KRT32: variants seen among roughly 807,000 people sequenced by gnomAD.
The protein encoded by KRT32 is keratin 32.
Under a neutral mutation model 41.8 loss-of-function variants are expected in KRT32, and 44 were observed. That is an observed-to-expected ratio of 1.05 (90% confidence interval 0.83 to 1.35). The LOEUF (loss-of-function observed/expected upper bound fraction) is 1.35. Ranked by LOEUF, KRT32 falls within the 40% of genes most tolerant of loss-of-function variation. The pLI, the probability that KRT32 is intolerant of heterozygous loss-of-function variation, is 0.00. For synonymous variants in KRT32, 238 were observed against 242.5 expected (o/e 0.98, Z 0.17); for missense variants, 576 against 584.6 (o/e 0.99, Z 0.15).
chr17:41,460,361 C>T (rs2018990162), intron 6 of KRT32, 122 bp from the exon 7 acceptor site: 2 of 1,260,412 alleles, frequency 1.6e-6, no homozygotes, highest in Admixed American at 4.1e-5. Context: ...TGCCCAGCCT[C>T]CCTGGTCCCA....
chr17:41,465,310 T>A lies in KRT32; in HGVS notation c.708+463A>T, dbSNP rs76411134. On this transcript the variant is annotated intron_variant, in intron 3 of 6. Coordinates refer to ENST00000225899, the MANE Select transcript of KRT32 (RefSeq NM_002278.3). ...CTCTCAGAAGAGATGGGACTGCTTC[T>A]GAGAGTTGAGCCAGGCAGAGATGGA... Among the ~76,000 whole-genome samples the A allele has an allele frequency of 5.8e-3, 887 of 152,276 alleles. 13 individuals carry two copies. Among genetic ancestry groups the A allele is most frequent in the African/African-American group, 0.02 (841 of 41,560 alleles).
chr17:41,460,738 T>A (rs903191394), intron 6 of KRT32, among the ~76,000 whole-genome samples: 2 of 151,994 alleles, frequency 1.3e-5, no homozygotes, highest in African/African-American at 4.8e-5. Flanking sequence ...TTAAAACAAA[T>A]ATCTAATGCA....
At position 41,464,285 on chromosome 17, in the gene KRT32, C is replaced by T. The variant is rs776314677; in HGVS notation, c.867G>A (p.Met289Ile). Residue 289 changes from methionine (M) to isoleucine (I), a missense_variant, in exon 4 of 7, where the codon ATG becomes ATA. By Grantham distance (10) the Met-to-Ile change is conservative. Coordinates refer to ENST00000225899, the MANE Select transcript of KRT32 (RefSeq NM_002278.3). ...ATCCCCACCGTGAGAGGCCCACCTG[C>T]ATATTGAACCATTCCTCCACGTCCC... ...NRRDVEEWFN[M>I]QMEELNQQVA... 192 of 1,595,904 alleles carry T rather than the reference C, an allele frequency of 1.2e-4. No homozygotes were observed. The highest frequency in any genetic ancestry group is 1.6e-4 in the Non-Finnish European group (189 of 1,171,018).
intron 3 of KRT32, 93 bp from the exon 4 acceptor site, chr17:41,464,536 C>G (rs534514452): frequency 7.9e-6 from 10 of 1,270,024 alleles, no homozygotes; most frequent in Admixed American, 2.8e-5. Flanking sequence ...ACAAAAGTTG[C>G]TAAAGATTGA....
At chr17:41,463,351 T>C (rs1333166152) in intron 5 of KRT32, among the ~76,000 whole-genome samples, 1 of 152,234 alleles carries the variant, frequency 6.6e-6, no homozygotes, top group Non-Finnish European at 1.5e-5. Context: ...GCCGGCATCA[T>C]TTAGAACAGG....
rs2019041507 is a variant in KRT32, at chr17:41,464,258, C to G, written c.870+24G>C. 4 of 1,583,588 alleles carry G rather than the reference C, an allele frequency of 2.5e-6. No individual in the cohort carries two copies. In the South Asian group the frequency reaches 3.5e-5, roughly 14 times the overall value. On this transcript the variant is annotated intron_variant, in intron 4 of 6. Coordinates refer to ENST00000225899, the MANE Select transcript of KRT32 (RefSeq NM_002278.3). ...TCCCTTCCTAGGGATATGGAGGAGG[C>G]CATCCCCACCGTGAGAGGCCCACCT... is the stretch of plus-strand genomic sequence containing the variant.
At position 41,463,030 on chromosome 17, in the gene KRT32, C is replaced by T. The variant is rs1190610241; in HGVS notation, c.1017G>A (p.Thr339=). 2 of 1,613,462 alleles carry T rather than the reference C, an allele frequency of 1.2e-6. No homozygotes were observed. Among genetic ancestry groups the T allele is most frequent in the South Asian group, 2.2e-5 (2 of 91,032 alleles). The part of the protein sequence containing the change: ...QHSLRDSLEN[T]LTESEARYSS... ...TGTAGCGGGCCTCACTCTCCGTCAG[C>T]GTGTTTTCCAGGGAGTCCCTCTAAG... Residue 339 remains threonine, a synonymous_variant, in exon 6 of 7, where the codon ACG becomes ACA. Coordinates refer to ENST00000225899, the MANE Select transcript of KRT32 (RefSeq NM_002278.3).
intron 3 of KRT32, among the ~76,000 whole-genome samples, chr17:41,465,010 T>G (rs1364909524): frequency 6.6e-6 from 1 of 152,150 alleles, no homozygotes; most frequent in Non-Finnish European, 1.5e-5. Context: ...CACTTAAGCC[T>G]GAGGAAACCC....
In KRT32 at chr17:41,464,137, T is replaced by C. The variant is rs148711730; in HGVS notation, c.937A>G (p.Ile313Val). Residue 313 changes from isoleucine (I) to valine (V), a missense_variant, in exon 5 of 7, where the codon ATT becomes GTT. Coordinates refer to ENST00000225899, the MANE Select transcript of KRT32 (RefSeq NM_002278.3). ...GTGTTGACCGTGCGTCTCAGGTCAA[T>C]GATGTCTGACTGGTAGTTCTGAAGC... The part of the protein sequence containing the change: ...EQLQNYQSDI[I>V]DLRRTVNTLE... The C allele has an allele frequency of 1.9e-5, 30 of 1,613,302 alleles. No individual in the cohort carries two copies. In the East Asian group the frequency reaches 6.2e-4, roughly 34 times the overall value.
At position 41,464,147 on chromosome 17, in the gene KRT32, C is replaced by T. The variant is rs12948056; in HGVS notation, c.927G>A (p.Gln309=). ...ATSSEQLQNY[Q]SDIIDLRRTV... The stretch of plus-strand genomic sequence containing the variant: ...TGCGTCTCAGGTCAATGATGTCTGA[C>T]TGGTAGTTCTGAAGCTGCTCAGAGC... Residue 309 remains glutamine, a synonymous_variant, in exon 5 of 7, where the codon CAG becomes CAA. Transcript: ENST00000225899. The T allele has an allele frequency of 0.37, 591,381 of 1,611,632 alleles. 110,537 individuals carry two copies. The highest frequency in any genetic ancestry group is 0.38 in the Admixed American group (22,555 of 59,732).
At chr17:41,466,372 GA>G (rs1463424696) in intron 1 of KRT32, among the ~76,000 whole-genome samples, 196 bp from the exon 2 acceptor site, 9 of 152,222 alleles carry the variant, frequency 5.9e-5, no homozygotes, top group African/African-American at 1.9e-4. Context: ...TATTTTTTAA[GA>G]ACCTGAAGCT....
chr17:41,465,718 C>T, intron 3 of KRT32, 55 bp downstream of exon 3: 1 of 1,572,956 alleles, frequency 6.4e-7, no homozygotes, highest in Non-Finnish European at 8.7e-7. Context: ...CCCCATACCC[C>T]ACGTTCCTCC....
chr17:41,464,807 A>G (rs1009901764), intron 3 of KRT32, among the ~76,000 whole-genome samples: 1 of 152,206 alleles, frequency 6.6e-6, no homozygotes, highest in African/African-American at 2.4e-5. Context: ...TTGACTAGTT[A>G]AAGGCCCGAG....
At position 41,461,747 on chromosome 17, in the gene KRT32, A is replaced by T. The variant is rs199622730; in HGVS notation, c.1217+1083T>A. 4.6e-5 allele frequency among the ~76,000 whole-genome samples: 7 copies of T among 152,218 alleles called. No homozygotes were observed. The East Asian group carries it at 1.2e-3, about 25-fold the overall frequency. On this transcript the variant is annotated intron_variant, in intron 6 of 6. Coordinates refer to ENST00000225899, the MANE Select transcript of KRT32 (RefSeq NM_002278.3). The stretch of plus-strand genomic sequence containing the variant: ...CATGTTAATGGCCTGGTCCTTGCAA[A>T]TGTTTGACACAACACTTGCCCTGAA...
At chr17:41,460,343 GC>G in intron 6 of KRT32, 104 bp from the exon 7 acceptor site, 1 of 1,383,018 alleles carries the variant, frequency 7.2e-7, no homozygotes, top group Non-Finnish European at 1.0e-6. Context: ...CATCTTCCGT[GC>G]TTTCTCTGCC....
rs370472390 is a variant in KRT32 at position 41,460,198 on chromosome 17, C to T, written c.1259G>A (p.Cys420Tyr). The part of the protein sequence containing the change: ...NPCSTPSCTT[C>Y]VPSPCVPRTV... ...GCGGGGCACGCATGGGGAGGGCACA[C>T]AGGTGGTGCAGGAAGGAGTGGAGCA... The change falls in exon 7 of 7, where the codon TGT (cysteine) becomes TAT (tyrosine). Residue 420 changes from cysteine to tyrosine, a missense_variant. Coordinates refer to ENST00000225899, the MANE Select transcript of KRT32 (RefSeq NM_002278.3). The T allele has an allele frequency of 1.9e-6, 3 of 1,610,394 alleles. No homozygotes were observed. The highest frequency in any genetic ancestry group is 1.3e-5 in the African/African-American group (1 of 74,864).
At chr17:41,460,374 C>A in intron 6 of KRT32, 135 bp from the exon 7 acceptor site, 1 of 1,138,528 alleles carries the variant, frequency 8.8e-7, no homozygotes, top group Non-Finnish European at 1.3e-6. Context: ...TGGTCCCAAC[C>A]TCCGCCATCT....
rs1379800399 is a variant in KRT32 at position 41,467,055 on chromosome 17, C to T, written c.271G>A (p.Ala91Thr). ...MGPGSWYSEG[A>T]FNGNEKETMQ... ...GTTTCCTTCTCATTGCCATTGAAGG[C>T]CCCTTCGCTGTACCAGCTGCCGGGG... Residue 91 changes from alanine (A) to threonine (T), a missense_variant, in exon 1 of 7, where the codon GCC becomes ACC. Physicochemically the swap from Ala to Thr is moderately conservative, Grantham distance 58. Coordinates refer to ENST00000225899, the MANE Select transcript of KRT32 (RefSeq NM_002278.3). The T allele has an allele frequency of 1.9e-6, 3 of 1,614,248 alleles. No individual in the cohort carries two copies. Among genetic ancestry groups the T allele is most frequent in the African/African-American group, 2.7e-5 (2 of 75,082 alleles).
At position 41,466,950 on chromosome 17, in the gene KRT32, T is replaced by C. The variant is rs1303938261; in HGVS notation, c.376A>G (p.Ser126Gly). The C allele has an allele frequency of 6.2e-7, 1 of 1,614,196 alleles. No homozygotes were observed. Among genetic ancestry groups the C allele is most frequent in the East Asian group, 2.2e-5 (1 of 44,876 alleles). ...GAGTGAGAGGCCTCTTGGATCCTGCTCTCCAGCTCCGCATTCTCCTGCTCC... is the reference window on the plus strand; with the variant it reads ...GAGTGAGAGGCCTCTTGGATCCTGCCCTCCAGCTCCGCATTCTCCTGCTCC... ...QLEQENAELE[S>G]RIQEASHSQV... Residue 126 changes from serine (S) to glycine (G), a missense_variant, in exon 1 of 7, where the codon AGC (serine) becomes GGC (glycine). Transcript: ENST00000225899.
Sources: gnomAD v4.1 joint callset for allele counts (sites outside exome capture counted in the v4.1 genomes callset) on GRCh38, gnomAD v4.1.1 for gene constraint, MANE v1.5 for transcripts, NCBI Gene and HGNC (gene_info 2026-07-23, HGNC 2026-07-21) for gene names.